The following PPM1E variants were observed in gnomAD, a reference collection of about 807,000 sequenced individuals.
The protein encoded by PPM1E is protein phosphatase 1E.
In PPM1E, 20 loss-of-function variants were observed where a neutral mutation model predicts 65.9. The ratio of observed to expected loss-of-function variants is 0.30; its 90% CI spans 0.21 to 0.44. The LOEUF (loss-of-function observed/expected upper bound fraction) is 0.44, where lower values mean the gene tolerates loss of function less well. Among genes scored for constraint, PPM1E ranks in the 20% least tolerant of loss-of-function variants. The pLI, the probability that PPM1E is intolerant of heterozygous loss-of-function variation, is 1.00. For missense variants in PPM1E, 713 were observed against 953.1 expected (o/e 0.75, Z 3.32); for synonymous variants, 352 against 374.9 (o/e 0.94, Z 0.70).
intron 1 of PPM1E, among the ~76,000 whole-genome samples, chr17:58,787,950 G>A (rs1486533961): frequency 2.0e-5 from 3 of 151,012 alleles, no homozygotes; most frequent in South Asian, 2.1e-4. Flanking sequence ...GGTTTTGGCC[G>A]TGTTCAGAGT....
chr17:58,976,699 C>T (rs889453469), intron 6 of PPM1E, among the ~76,000 whole-genome samples: 2 of 152,024 alleles, frequency 1.3e-5, no homozygotes, highest in Admixed American at 6.6e-5. Context: ...AATTTGGGGG[C>T]GAAATGTCAT....
intron 1 of PPM1E, among the ~76,000 whole-genome samples, chr17:58,918,463 T>A (rs1281808229): frequency 2.6e-5 from 4 of 152,190 alleles, no homozygotes; most frequent in Admixed American, 2.0e-4. Flanking sequence ...TAATTTATGA[T>A]CTTTAGTAGG....
chr17:58,853,007 G>T (rs939809962), intron 1 of PPM1E, among the ~76,000 whole-genome samples: 2 of 152,062 alleles, frequency 1.3e-5, no homozygotes, highest in Admixed American at 6.5e-5. Flanking sequence ...TTAACTCCTT[G>T]TCAGATATAT....
chr17:58,853,176 A>G (rs528913282), intron 1 of PPM1E, among the ~76,000 whole-genome samples: 1 of 152,188 alleles, frequency 6.6e-6, no homozygotes, highest in East Asian at 1.9e-4. Flanking sequence ...GCATTGCTAC[A>G]TCTAAGGTTG....
intron 1 of PPM1E, among the ~76,000 whole-genome samples, chr17:58,883,751 C>T (rs1007862900): frequency 6.6e-6 from 1 of 151,762 alleles, no homozygotes; most frequent in Non-Finnish European, 1.5e-5. Context: ...TCCCAAAGTG[C>T]TGGGATTACA....
chr17:58,925,135 T>A (rs1055817555), intron 1 of PPM1E, among the ~76,000 whole-genome samples: 1 of 152,150 alleles, frequency 6.6e-6, no homozygotes, highest in Non-Finnish European at 1.5e-5. Context: ...TGGTTCTAGA[T>A]CCTTGAGGAA....
At chr17:58,966,079 G>T in intron 3 of PPM1E, 186 bp downstream of exon 3, 1 of 627,528 alleles carries the variant, frequency 1.6e-6, no homozygotes, top group Middle Eastern at 2.7e-4. Context: ...TTTTGAATAG[G>T]TAATGCATTC....
In PPM1E at chr17:58,982,882, T is replaced by C; in HGVS notation, c.*1851T>C. 2.6e-6 allele frequency: 4 copies of C among 1,567,344 alleles called. No individual in the cohort carries two copies. The highest frequency in any genetic ancestry group is 3.5e-6 in the Non-Finnish European group (4 of 1,153,274). On this transcript the variant is annotated 3_prime_UTR_variant, in exon 7 of 7. Transcript: ENST00000308249. ...GTCACCTTCTGAAGCCTAGATCTTG[T>C]TAACCCATCAGGTGCAGTGTCAGTT...
At chr17:58,881,167 C>G (rs1007167338) in intron 1 of PPM1E, among the ~76,000 whole-genome samples, 9 of 152,112 alleles carry the variant, frequency 5.9e-5, no homozygotes, top group African/African-American at 2.2e-4. Context: ...CCTTCTTTTT[C>G]TTTCTCTTTT....
At chr17:58,757,198 AAGAGC>A (rs1331228644) in intron 1 of PPM1E, among the ~76,000 whole-genome samples, 3 of 152,232 alleles carry the variant, frequency 2.0e-5, no homozygotes, top group African/African-American at 7.2e-5. Flanking sequence ...CTTCGGGTGA[AAGAGC>A]CATAATTCAT....
At chr17:58,830,745 G>A (rs1166022642) in intron 1 of PPM1E, among the ~76,000 whole-genome samples, 1 of 151,784 alleles carries the variant, frequency 6.6e-6, no homozygotes, top group Non-Finnish European at 1.5e-5. Flanking sequence ...GAGTGCAGTG[G>A]CATGATCTTG....
At chr17:58,875,359 G>A (rs2051117059) in intron 1 of PPM1E, among the ~76,000 whole-genome samples, 1 of 152,168 alleles carries the variant, frequency 6.6e-6, no homozygotes, top group Non-Finnish European at 1.5e-5. Flanking sequence ...TAAAAAATGA[G>A]TCAGAGGTTT....
At chr17:58,871,680 G>A (rs932662368) in intron 1 of PPM1E, among the ~76,000 whole-genome samples, 3 of 151,882 alleles carry the variant, frequency 2.0e-5, no homozygotes, top group African/African-American at 4.8e-5. Context: ...GCCAGGTGTG[G>A]GGACGCACAC....
intron 1 of PPM1E, among the ~76,000 whole-genome samples, chr17:58,797,888 C>G (rs1318693858): frequency 1.3e-5 from 2 of 152,100 alleles, no homozygotes; most frequent in African/African-American, 4.8e-5. Flanking sequence ...TGTTATCAGT[C>G]TTTTAATTTT....
At chr17:58,766,827 C>G (rs1216828566) in intron 1 of PPM1E, among the ~76,000 whole-genome samples, 1 of 152,042 alleles carries the variant, frequency 6.6e-6, no homozygotes, top group African/African-American at 2.4e-5. Context: ...TTTATTAGTT[C>G]AAAGTGGTTC....
intron 1 of PPM1E, among the ~76,000 whole-genome samples, chr17:58,858,658 A>C (rs1255310330): frequency 6.6e-6 from 1 of 152,048 alleles, no homozygotes; most frequent in African/African-American, 2.4e-5. Context: ...ATTCTTTTTC[A>C]GGCTGAATAG....
chr17:58,830,487 T>C (rs1167017378), intron 1 of PPM1E, among the ~76,000 whole-genome samples: 3 of 151,898 alleles, frequency 2.0e-5, no homozygotes, highest in South Asian at 2.1e-4. Context: ...TTTGTATTTT[T>C]AGTAGAGACG....
intron 1 of PPM1E, among the ~76,000 whole-genome samples, chr17:58,897,415 A>AG (rs1207104437): frequency 4.6e-5 from 7 of 151,274 alleles, no homozygotes; most frequent in Admixed American, 3.3e-4. Context: ...CTCCATCTAA[A>AG]AAAAAAAAAA....
intron 1 of PPM1E, among the ~76,000 whole-genome samples, chr17:58,833,184 A>T (rs899171518): frequency 6.6e-6 from 1 of 151,642 alleles, no homozygotes; most frequent in African/African-American, 2.4e-5. Flanking sequence ...TCATATGACC[A>T]TTATCACATT....
Sources: allele counts gnomAD v4.1 joint callset (sites outside exome capture counted in the v4.1 genomes callset), GRCh38; gene constraint gnomAD v4.1.1; transcripts MANE v1.5; gene names NCBI Gene and HGNC (gene_info 2026-07-23, HGNC 2026-07-21).